The following CEP85L variants were observed in gnomAD, a reference collection of about 807,000 sequenced individuals.
CEP85L encodes the protein centrosomal protein of 85 kDa-like.
A neutral mutation model predicts 100.3 loss-of-function variants in CEP85L; 60 were observed. The ratio of observed to expected loss-of-function variants is 0.60; its 90% CI spans 0.49 to 0.74. The LOEUF is 0.74. Ranked by LOEUF, CEP85L falls within the 30% of genes least tolerant of loss-of-function variation. The pLI is 0.00. For missense variants in CEP85L, 973 were observed against 936.2 expected (o/e 1.04, Z -0.51); for synonymous variants, 319 against 322.7 (o/e 0.99, Z 0.12).
chr6:118,494,009 T>C (rs1184444616), intron 5 of CEP85L, among the ~76,000 whole-genome samples: 1 of 152,010 alleles, frequency 6.6e-6, no homozygotes, highest in Non-Finnish European at 1.5e-5. Flanking sequence ...AACTGAAATA[T>C]CAACAAGTCT....
At chr6:118,567,657 T>C (rs1779633255) in intron 2 of CEP85L, among the ~76,000 whole-genome samples, 1 of 152,150 alleles carries the variant, frequency 6.6e-6, no homozygotes, top group African/African-American at 2.4e-5. Flanking sequence ...TTATTCTGTA[T>C]CTCCCCACAC....
chr6:118,639,192 C>T (rs986318975), intron 1 of CEP85L, among the ~76,000 whole-genome samples: 7 of 152,106 alleles, frequency 4.6e-5, no homozygotes, highest in Admixed American at 3.9e-4. Context: ...AAGTAGCACG[C>T]GGTTCACATT....
chr6:118,491,587 C>T (rs766066417), intron 6 of CEP85L, 99 bp downstream of exon 6: 1 of 1,496,028 alleles, frequency 6.7e-7, no homozygotes, highest in Admixed American at 2.5e-5. Context: ...TAAATGTATA[C>T]ATAACCTGGC....
At chr6:118,594,456 C>T (rs1286935971) in intron 2 of CEP85L, among the ~76,000 whole-genome samples, 4 of 152,132 alleles carry the variant, frequency 2.6e-5, no homozygotes, top group African/African-American at 9.7e-5. Context: ...AAAATTATCT[C>T]TAATACAAAT....
intron 3 of CEP85L, among the ~76,000 whole-genome samples, chr6:118,548,687 G>A (rs890215940): frequency 6.6e-6 from 1 of 151,880 alleles, no homozygotes; most frequent in East Asian, 1.9e-4. Context: ...GTGAATTTCT[G>A]CCAATTAAAA....
At chr6:118,623,981 A>G (rs927859234) in intron 2 of CEP85L, among the ~76,000 whole-genome samples, 2 of 152,082 alleles carry the variant, frequency 1.3e-5, no homozygotes, top group Admixed American at 6.5e-5. Context: ...GCAGGAGTGG[A>G]ATCCTGGATT....
chr6:118,667,927 CTGTA>C lies in CEP85L; in HGVS notation c.-27-15123_-27-15120del, dbSNP rs1173310063. 2.0e-5 allele frequency among the ~76,000 whole-genome samples: 3 copies of C among 152,184 alleles called. No homozygotes were observed. The East Asian group carries it at 5.8e-4, about 29-fold the overall frequency. On this transcript the variant is annotated intron_variant, in intron 1 of 13. Transcript: ENST00000368488. ...AAAAATACTGACTGAGGACTATTTA[CTGTA>C]TATATGATTAAGTGCTACATAATCT...
chr6:118,628,240 T>C (rs991822874), intron 2 of CEP85L, among the ~76,000 whole-genome samples: 1 of 152,084 alleles, frequency 6.6e-6, no homozygotes, highest in African/African-American at 2.4e-5. Flanking sequence ...GGCAGGGATA[T>C]TGGAATTACT....
At chr6:118,522,473 T>G (rs2114780558) in intron 4 of CEP85L, among the ~76,000 whole-genome samples, 1 of 152,316 alleles carries the variant, frequency 6.6e-6, no homozygotes, top group African/African-American at 2.4e-5. Flanking sequence ...ACTAATATTT[T>G]TAAGTAGCTT....
chr6:118,615,201 A>G (rs1772947788), intron 2 of CEP85L, among the ~76,000 whole-genome samples: 2 of 152,146 alleles, frequency 1.3e-5, no homozygotes, highest in Admixed American at 6.5e-5. Flanking sequence ...CAAAATTCCT[A>G]TCAAATTCCT....
intron 2 of CEP85L, among the ~76,000 whole-genome samples, chr6:118,580,346 G>A (rs11968351): frequency 0.47 from 71,042 of 152,072 alleles, 17,090 homozygotes; most frequent in Middle Eastern, 0.57. Flanking sequence ...TGCACTGGCC[G>A]GGAATCCGAG....
Position 118,689,916 on chromosome 6 carries a change from C to CTT in CEP85L, c.-28+20118_-28+20119dup, listed in dbSNP as rs34964907. ...AGTTTTACATGCTAATCCCTGCCTG[C>CTT]TTTTTTTTTTTTTTTTTAATAGGGC... is the stretch of plus-strand genomic sequence containing the variant. On this transcript the variant is annotated intron_variant, in intron 1 of 13. Coordinates refer to the CEP85L transcript ENST00000368488. Among the ~76,000 whole-genome samples the CTT allele has an allele frequency of 2.9e-3, 398 of 136,200 alleles. 8 individuals carry two copies. Among genetic ancestry groups the CTT allele is most frequent in the African/African-American group, 8.0e-3 (299 of 37,250 alleles). 89.4% of individuals were successfully genotyped at this position (136,200 alleles called of 152,430 possible).
At chr6:118,698,462 T>C (rs117512552) in intron 1 of CEP85L, among the ~76,000 whole-genome samples, 1 of 152,116 alleles carries the variant, frequency 6.6e-6, no homozygotes, top group East Asian at 1.9e-4. Context: ...AACATAACTC[T>C]GAGTTGAAAA....
Position 118,704,637 on chromosome 6 carries a change from A to G in CEP85L, c.-28+5399T>C, listed in dbSNP as rs1031430463. On this transcript the variant is annotated intron_variant, in intron 1 of 13. Coordinates refer to the CEP85L transcript ENST00000368488. ...AGGCACCCGCCACCATGCCCGGCTA[A>G]TTTTTGTATTTTTAGTAGAGACAGG... is the stretch of plus-strand genomic sequence containing the variant. 2.1e-4 allele frequency among the ~76,000 whole-genome samples: 32 copies of G among 151,974 alleles called. 1 individual carries two copies. The highest frequency in any genetic ancestry group is 7.5e-4 in the African/African-American group (31 of 41,380).
At chr6:118,628,714 T>C (rs1219737201) in intron 2 of CEP85L, among the ~76,000 whole-genome samples, 1 of 152,084 alleles carries the variant, frequency 6.6e-6, no homozygotes, top group Non-Finnish European at 1.5e-5. Context: ...ACAAAAGGTA[T>C]GCCTTACACC....
At chr6:118,468,325 C>A (rs1446931500) in intron 12 of CEP85L, among the ~76,000 whole-genome samples, 2 of 152,160 alleles carry the variant, frequency 1.3e-5, no homozygotes, top group Non-Finnish European at 2.9e-5. Flanking sequence ...TAGGCAGCTA[C>A]TAAATACACG....
intron 2 of CEP85L, among the ~76,000 whole-genome samples, chr6:118,612,777 GCAA>G (rs1772734097): frequency 1.3e-5 from 2 of 148,674 alleles, no homozygotes; most frequent in African/African-American, 2.5e-5. Flanking sequence ...AAAAAAGGAA[GCAA>G]CAAAGAGCAG....
At chr6:118,665,137 A>C (rs749840738) in intron 1 of CEP85L, among the ~76,000 whole-genome samples, 6 of 152,162 alleles carry the variant, frequency 3.9e-5, no homozygotes, top group Non-Finnish European at 8.8e-5. Context: ...GGGGAGTAAG[A>C]GGAGGGACGG....
chr6:118,529,273 G>C (rs1452581774), intron 3 of CEP85L, among the ~76,000 whole-genome samples: 1 of 152,034 alleles, frequency 6.6e-6, no homozygotes, highest in Non-Finnish European at 1.5e-5. Flanking sequence ...CATTTGATGA[G>C]TGTTTTTATA....
Sources: allele counts gnomAD v4.1 joint callset (sites outside exome capture counted in the v4.1 genomes callset), GRCh38; gene constraint gnomAD v4.1.1; transcripts MANE v1.5; gene names NCBI Gene and HGNC (gene_info 2026-07-23, HGNC 2026-07-21).